RAC1: variants seen among roughly 807,000 people sequenced by gnomAD.
The protein encoded by RAC1 is ras-related C3 botulinum toxin substrate 1.
In RAC1, 2 loss-of-function variants were observed where a neutral mutation model predicts 25.2. That is an observed-to-expected ratio of 0.08 (90% CI 0.03 to 0.25). RAC1 has a LOEUF of 0.25. Ranked by LOEUF, RAC1 falls within the 10% of genes least tolerant of loss-of-function variation. The pLI is 1.00. For missense variants in RAC1, 50 were observed against 235.7 expected (o/e 0.21, Z 5.16); for synonymous variants, 88 against 94.0 (o/e 0.94, Z 0.37).
At position 6,378,660 on chromosome 7, in the gene RAC1, C is replaced by G. The variant is rs184926078; in HGVS notation, c.35+3890C>G. Among the ~76,000 whole-genome samples, 480 of 152,228 alleles carry G rather than the reference C, an allele frequency of 3.2e-3. 3 individuals carry two copies. The highest frequency in any genetic ancestry group is 0.011 in the African/African-American group (443 of 41,540). On this transcript the variant is annotated intron_variant, in intron 1 of 5. Transcript: ENST00000348035. ...CAAGAAATATTACATAGGGTTGATA[C>G]TCTTTTATTCTAAGATAGTCCTTTC... is the stretch of plus-strand genomic sequence containing the variant.
chr7:6,394,193 A>G (rs1783163064), intron 3 of RAC1, among the ~76,000 whole-genome samples: 1 of 152,102 alleles, frequency 6.6e-6, no homozygotes, highest in South Asian at 2.1e-4. Context: ...GTCATTTAAC[A>G]TTGGCATCCT....
At chr7:6,399,872 G>A in intron 3 of RAC1, 2 of 533,818 alleles carry the variant, frequency 3.7e-6, no homozygotes, top group East Asian at 3.0e-5. Flanking sequence ...TGATCCTCCT[G>A]ATCCTTGAAG....
intron 3 of RAC1, chr7:6,398,596 G>GGTTA: frequency 7.4e-7 from 1 of 1,351,702 alleles, no homozygotes; most frequent in Non-Finnish European, 1.1e-6. Flanking sequence ...ATCGATAAGA[G>GGTTA]GTTATATTGA....
At chr7:6,395,180 G>A (rs1253479540) in intron 3 of RAC1, among the ~76,000 whole-genome samples, 3 of 151,996 alleles carry the variant, frequency 2.0e-5, no homozygotes, top group Admixed American at 1.3e-4. Flanking sequence ...TGGTCAGGCT[G>A]GTCTCCAACT....
At chr7:6,393,467 C>T (rs567045190) in intron 3 of RAC1, among the ~76,000 whole-genome samples, 1 of 152,218 alleles carries the variant, frequency 6.6e-6, no homozygotes, top group South Asian at 2.1e-4. Flanking sequence ...CAGGGTGAGG[C>T]CTCTCTAAGG....
rs533120866 is a variant in RAC1, at chr7:6,396,846, C to T, written c.226-3280C>T. Among the ~76,000 whole-genome samples, 13 of 152,140 alleles carry T rather than the reference C, an allele frequency of 8.5e-5. No homozygotes were observed. In the South Asian group the frequency reaches 1.5e-3, roughly 17 times the overall value. On this transcript the variant is annotated intron_variant, in intron 3 of 5. Coordinates refer to ENST00000348035, the MANE Select transcript of RAC1 (RefSeq NM_006908.5). ...GAGATCGAGACCATCCTGGCTAACA[C>T]GTTGAAACCTCGTCTCTACTAAAAA...
intron 4 of RAC1, 136 bp downstream of exon 4, chr7:6,400,324 T>C: frequency 1.2e-6 from 1 of 819,364 alleles, no homozygotes; most frequent in Non-Finnish European, 2.0e-6. Context: ...AGTACATGAT[T>C]GGGTTTTTTT....
intron 1 of RAC1, among the ~76,000 whole-genome samples, chr7:6,381,915 G>T (rs1347805559): frequency 2.6e-5 from 4 of 151,888 alleles, no homozygotes; most frequent in African/African-American, 9.7e-5. Context: ...TTCATGCGAG[G>T]TCTTTAATTT....
At chr7:6,387,969 C>T (rs963730822) in intron 2 of RAC1, among the ~76,000 whole-genome samples, 6 of 152,054 alleles carry the variant, frequency 3.9e-5, no homozygotes, top group Non-Finnish European at 7.3e-5. Context: ...GATTCCATTA[C>T]GTTTTAATTG....
chr7:6,381,249 A>G (rs1292233833), intron 1 of RAC1, among the ~76,000 whole-genome samples: 1 of 152,186 alleles, frequency 6.6e-6, no homozygotes, highest in Non-Finnish European at 1.5e-5. Flanking sequence ...GCTGGCTTGT[A>G]TCAACTACAC....
At chr7:6,386,295 A>G (rs1782921003) in intron 1 of RAC1, among the ~76,000 whole-genome samples, 1 of 152,110 alleles carries the variant, frequency 6.6e-6, no homozygotes, top group African/African-American at 2.4e-5. Context: ...TGGCATTTAA[A>G]TACAGCTGAA....
At chr7:6,377,145 A>C (rs1345997833) in intron 1 of RAC1, among the ~76,000 whole-genome samples, 1 of 150,976 alleles carries the variant, frequency 6.6e-6, no homozygotes, top group African/African-American at 2.4e-5. Flanking sequence ...TCTACTACTG[A>C]GACTCTGTGA....
chr7:6,392,065 A>C, intron 3 of RAC1, 24 bp downstream of exon 3: 1 of 1,614,024 alleles, frequency 6.2e-7, no homozygotes. Context: ...CTGACTTTTA[A>C]TGTGTCTTTT....
intron 3 of RAC1, among the ~76,000 whole-genome samples, chr7:6,395,962 G>C (rs1047312553): frequency 6.6e-6 from 1 of 152,248 alleles, no homozygotes; most frequent in African/African-American, 2.4e-5. Flanking sequence ...GGACCCATCT[G>C]TTGTGGATGG....
intron 1 of RAC1, among the ~76,000 whole-genome samples, chr7:6,377,112 T>C (rs1782626099): frequency 6.6e-6 from 1 of 152,022 alleles, no homozygotes; most frequent in Non-Finnish European, 1.5e-5. Flanking sequence ...GCTTAGTAAA[T>C]GCCAGGTACT....
At chr7:6,390,455 C>T (rs993918512) in intron 2 of RAC1, among the ~76,000 whole-genome samples, 1 of 151,906 alleles carries the variant, frequency 6.6e-6, no homozygotes, top group African/African-American at 2.4e-5. Flanking sequence ...CAAAAATTAA[C>T]CGGGCATGGT....
At chr7:6,398,189 C>T (rs1014575585) in intron 3 of RAC1, among the ~76,000 whole-genome samples, 4 of 145,156 alleles carry the variant, frequency 2.8e-5, no homozygotes, top group East Asian at 2.2e-4. Context: ...CCCTGAGGCC[C>T]GGCTATGTTC....
chr7:6,377,253 A>G (rs1782633947), intron 1 of RAC1, among the ~76,000 whole-genome samples: 1 of 151,670 alleles, frequency 6.6e-6, no homozygotes, highest in South Asian at 2.1e-4. Context: ...TTATTTTTTA[A>G]TACTATGTTT....
Position 6,403,235 on chromosome 7 carries a change from T to TCTAA in RAC1, c.*790_*793dup, listed in dbSNP as rs1783470569. The TCTAA allele has an allele frequency of 4.6e-6, 1 of 219,610 alleles. No individual in the cohort carries two copies. The highest frequency in any genetic ancestry group is 9.1e-6 in the Non-Finnish European group (1 of 109,310). 13.6% of individuals were successfully genotyped at this position (219,610 alleles called of 1,614,324 possible). A position where few individuals can be genotyped will look rare whatever the true frequency, so the allele number is the denominator to read the frequency against. On this transcript the variant is annotated 3_prime_UTR_variant, in exon 6 of 6. Coordinates refer to ENST00000348035, the MANE Select transcript of RAC1 (RefSeq NM_006908.5). ...GAATGAAAGTGTCACGGGTAAAAAC[T>TCTAA]CTAAAAGGTTAATTTCTGTCAAATG...
Sources: allele counts gnomAD v4.1 joint callset (sites outside exome capture counted in the v4.1 genomes callset), GRCh38; gene constraint gnomAD v4.1.1; transcripts MANE v1.5; gene names NCBI Gene and HGNC (gene_info 2026-07-23, HGNC 2026-07-21).